Variants in EXOC4 observed in about 807,000 individuals in gnomAD.
EXOC4 encodes exocyst complex component 4.
EXOC4 carries 71 observed loss-of-function variants against 107.2 expected under a neutral mutation model. That is an observed-to-expected ratio of 0.66 (90% CI 0.55 to 0.81). The LOEUF is 0.81. Among genes scored for constraint, EXOC4 ranks in the 30% least tolerant of loss-of-function variants. The pLI is 0.00. For synonymous variants in EXOC4, 456 were observed against 441.2 expected (o/e 1.03, Z -0.42); for missense variants, 1,108 against 1,189.6 (o/e 0.93, Z 1.01).
intron 11 of EXOC4, among the ~76,000 whole-genome samples, chr7:133,836,369 A>G (rs1483779628): frequency 6.6e-6 from 1 of 152,184 alleles, no homozygotes; most frequent in Non-Finnish European, 1.5e-5. Context: ...TATCTGGTAA[A>G]TAGCAGATCC....
At chr7:133,931,070 A>ATTAT (rs1800164965) in intron 13 of EXOC4, among the ~76,000 whole-genome samples, 1 of 152,082 alleles carries the variant, frequency 6.6e-6, no homozygotes, top group South Asian at 2.1e-4. Flanking sequence ...AATTTGGTCA[A>ATTAT]TTATTTGATA....
At chr7:133,764,935 C>G (rs1796105692) in intron 10 of EXOC4, among the ~76,000 whole-genome samples, 1 of 151,938 alleles carries the variant, frequency 6.6e-6, no homozygotes, top group Non-Finnish European at 1.5e-5. Context: ...TGATCCCAAA[C>G]AAGTTACTTA....
chr7:133,787,333 ATTTG>A (rs1356414227), intron 10 of EXOC4, among the ~76,000 whole-genome samples: 2 of 119,034 alleles, frequency 1.7e-5, no homozygotes, highest in African/African-American at 6.1e-5. Context: ...CAATAGGCTA[ATTTG>A]TGTGTGTGTG....
At chr7:133,866,299 A>G (rs1798639274) in intron 11 of EXOC4, among the ~76,000 whole-genome samples, 1 of 152,166 alleles carries the variant, frequency 6.6e-6, no homozygotes, top group Non-Finnish European at 1.5e-5. Flanking sequence ...TACACACTGC[A>G]TGGCTCAGCT....
At chr7:133,430,417 C>T (rs1451745477) in intron 7 of EXOC4, among the ~76,000 whole-genome samples, 1 of 152,106 alleles carries the variant, frequency 6.6e-6, no homozygotes, top group Non-Finnish European at 1.5e-5. Flanking sequence ...GCGGGTGGGG[C>T]CTTTGCTGGG....
At chr7:133,563,602 A>G (rs1170842060) in intron 9 of EXOC4, among the ~76,000 whole-genome samples, 1 of 152,206 alleles carries the variant, frequency 6.6e-6, no homozygotes, top group African/African-American at 2.4e-5. Flanking sequence ...AATCTACACC[A>G]GCTGTAGCCT....
intron 10 of EXOC4, among the ~76,000 whole-genome samples, chr7:133,712,439 C>CAA (rs58629398): frequency 2.0e-4 from 6 of 30,228 alleles, no homozygotes; most frequent in African/African-American, 8.3e-4. Flanking sequence ...AACTCTGTCT[C>CAA]AAAAAAAAAA....
At chr7:133,867,606 C>T (rs956783062) in intron 11 of EXOC4, among the ~76,000 whole-genome samples, 2 of 152,172 alleles carry the variant, frequency 1.3e-5, no homozygotes, top group Non-Finnish European at 2.9e-5. Context: ...CTCCCCACCC[C>T]CAACCCCGTC....
At chr7:133,905,962 G>A (rs1799555848) in intron 12 of EXOC4, among the ~76,000 whole-genome samples, 2 of 152,148 alleles carry the variant, frequency 1.3e-5, no homozygotes, top group South Asian at 4.1e-4. Context: ...AGCAAGCAGT[G>A]GAGCAGCATG....
At chr7:133,863,133 A>G (rs1450251494) in intron 11 of EXOC4, among the ~76,000 whole-genome samples, 1 of 152,144 alleles carries the variant, frequency 6.6e-6, no homozygotes, top group Non-Finnish European at 1.5e-5. Context: ...GATCTGCACA[A>G]TTTTTTTCTT....
intron 10 of EXOC4, among the ~76,000 whole-genome samples, chr7:133,803,401 C>G (rs76729200): frequency 0.078 from 11,832 of 152,102 alleles, 652 homozygotes; most frequent in Non-Finnish European, 0.11. Context: ...TTTTCTGTCT[C>G]TTGCTTGCAT....
In EXOC4 at chr7:133,517,642, G is replaced by A. The variant is rs558806943; in HGVS notation, c.1417+37504G>A. Among the ~76,000 whole-genome samples the A allele has an allele frequency of 1.8e-4, 27 of 152,126 alleles. No individual in the cohort carries two copies. In the South Asian group the frequency reaches 3.5e-3, roughly 20 times the overall value. On this transcript the variant is annotated intron_variant, in intron 9 of 17. Transcript: ENST00000253861. Reference sequence around the variant, plus strand: ...CCTTTATAAAACCATCAGATCTTGCGAGACTTATTCACTATCATAAGAATA... The same window carrying A: ...CCTTTATAAAACCATCAGATCTTGCAAGACTTATTCACTATCATAAGAATA...
intron 3 of EXOC4, among the ~76,000 whole-genome samples, chr7:133,300,584 G>C (rs1476643979): frequency 6.6e-6 from 1 of 152,176 alleles, no homozygotes; most frequent in African/African-American, 2.4e-5. Context: ...TATTAGGTTT[G>C]TATTAACAGT....
chr7:133,992,429 C>T (rs1794284896), intron 14 of EXOC4, among the ~76,000 whole-genome samples: 1 of 151,936 alleles, frequency 6.6e-6, no homozygotes, highest in African/African-American at 2.4e-5. Flanking sequence ...ATTATAGGCA[C>T]CCGCCACCAA....
rs971402602 is a variant in EXOC4, at chr7:133,475,314, A to G, written c.1183-14A>G. 1 of 1,590,900 alleles carries G rather than the reference A, an allele frequency of 6.3e-7. No individual in the cohort carries two copies. Among genetic ancestry groups the G allele is most frequent in the Non-Finnish European group, 8.6e-7 (1 of 1,167,624 alleles). ...TGTGTATATTAACATTAACTGATTT[A>G]TCTGGTTGTACAGATGCTATTAACT... On this transcript the variant is annotated splice_polypyrimidine_tract_variant and intron_variant, in intron 7 of 17. Coordinates refer to ENST00000253861, the MANE Select transcript of EXOC4 (RefSeq NM_021807.4).
chr7:133,555,747 G>A (rs1800678867), intron 9 of EXOC4, among the ~76,000 whole-genome samples: 1 of 152,074 alleles, frequency 6.6e-6, no homozygotes, highest in Non-Finnish European at 1.5e-5. Context: ...CTGCTACATA[G>A]CATGCCAAAT....
At chr7:133,285,548 C>G (rs1036655091) in intron 2 of EXOC4, among the ~76,000 whole-genome samples, 3 of 152,158 alleles carry the variant, frequency 2.0e-5, no homozygotes, top group Admixed American at 6.5e-5. Context: ...CATTCTGATT[C>G]ACAAGGCTTT....
intron 5 of EXOC4, among the ~76,000 whole-genome samples, chr7:133,347,999 G>A (rs1795824832): frequency 6.6e-6 from 1 of 152,160 alleles, no homozygotes; most frequent in Non-Finnish European, 1.5e-5. Context: ...ACATATTGTA[G>A]CAATATAGAT....
chr7:134,094,293 A>G, the EXOC4 span, among the ~76,000 whole-genome samples: 1 of 152,220 alleles, frequency 6.6e-6, no homozygotes, highest in Non-Finnish European at 1.5e-5. Context: ...ACCTCTACAT[A>G]CACAGACTAG....
Sources: gnomAD v4.1 joint callset for allele counts (sites outside exome capture counted in the v4.1 genomes callset) on GRCh38, gnomAD v4.1.1 for gene constraint, MANE v1.5 for transcripts, NCBI Gene and HGNC (gene_info 2026-07-23, HGNC 2026-07-21) for gene names.